EML6: variants seen among roughly 807,000 people sequenced by gnomAD.
EML6 encodes echinoderm microtubule-associated protein-like 6.
A neutral mutation model predicts 240.1 loss-of-function variants in EML6; 154 were observed. The observed-to-expected ratio is 0.64, with a 90% CI of 0.56 to 0.73. The LOEUF (loss-of-function observed/expected upper bound fraction) is 0.73, where lower values mean the gene tolerates loss of function less well. Ranked by LOEUF, EML6 falls within the 30% of genes least tolerant of loss-of-function variation. EML6 has a pLI of 0.00. For synonymous variants in EML6, 1,148 were observed against 899.0 expected, an observed-to-expected ratio of 1.28 and a Z score of -4.95; for missense variants, 2,964 against 2,474.6, an observed-to-expected ratio of 1.20 and a Z score of -4.20.
chr2:54,851,260 A>G (rs557402838), intron 10 of EML6, among the ~76,000 whole-genome samples: 2 of 152,244 alleles, frequency 1.3e-5, no homozygotes, highest in South Asian at 4.1e-4. Context: ...GATACAAAAA[A>G]AAATCAGCCA....
At chr2:54,816,609 C>T (rs949624308) in intron 3 of EML6, among the ~76,000 whole-genome samples, 178 bp from the exon 4 acceptor site, 1 of 152,172 alleles carries the variant, frequency 6.6e-6, no homozygotes, top group African/African-American at 2.4e-5. Context: ...TCAGCATATA[C>T]TAATGGAAGT....
In EML6 at chr2:54,892,454, G is replaced by T; in HGVS notation, c.2540G>T (p.Gly847Val). Residue 847 changes from glycine to valine, a missense_variant and splice_region_variant, in exon 19 of 42, where the codon GGT becomes GTT. Physicochemically the swap from Gly to Val is moderately radical, Grantham distance 109. Coordinates refer to ENST00000356458, the MANE Select transcript of EML6 (RefSeq NM_001039753.4). The part of the protein sequence containing the change: ...IKHIKFWQQA[G>V]GGFTSKRGTF... ...AATAACTGTTCTTGGTCCACTCTAG[G>T]TGGGGGCTTCACTTCTAAAAGAGGA... The T allele has an allele frequency of 6.5e-7, 1 of 1,550,094 alleles. No homozygotes were observed. The highest frequency in any genetic ancestry group is 8.7e-7 in the Non-Finnish European group (1 of 1,145,616).
At chr2:54,758,966 A>G (rs1264577405) in intron 2 of EML6, among the ~76,000 whole-genome samples, 1 of 151,760 alleles carries the variant, frequency 6.6e-6, no homozygotes, top group Admixed American at 6.6e-5. Flanking sequence ...TGTTTTCATC[A>G]CTTCCACATA....
intron 2 of EML6, among the ~76,000 whole-genome samples, chr2:54,760,448 G>T (rs368807435): frequency 6.6e-6 from 1 of 152,032 alleles, no homozygotes; most frequent in South Asian, 2.1e-4. Context: ...CAGTGTTTCA[G>T]TGAATCCTTG....
chr2:54,797,625 TAAA>T (rs34160986), intron 2 of EML6, among the ~76,000 whole-genome samples: 7,290 of 148,846 alleles, frequency 0.049, 565 homozygotes, highest in African/African-American at 0.16. Flanking sequence ...TTCTTTATTG[TAAA>T]AAAAAAAAAA....
intron 17 of EML6, chr2:54,882,814 C>A (rs1372301887): frequency 1.6e-5 from 2 of 122,302 alleles, no homozygotes; most frequent in African/African-American, 6.0e-5. Flanking sequence ...GCCGAGATCA[C>A]GGCACTGCAC....
intron 28 of EML6, among the ~76,000 whole-genome samples, chr2:54,940,739 A>T (rs1240556800): frequency 6.6e-6 from 1 of 152,164 alleles, no homozygotes; most frequent in East Asian, 1.9e-4. Context: ...AAATGATGTG[A>T]CTGATGTAGA....
intron 9 of EML6, 105 bp downstream of exon 9, chr2:54,847,728 C>T: frequency 7.9e-7 from 1 of 1,262,672 alleles, no homozygotes. Context: ...ATCCATTTAG[C>T]CATTCAAATA....
Position 54,967,100 on chromosome 2 carries a change from C to A in EML6, c.5594C>A (p.Thr1865Lys), listed in dbSNP as rs752509567. ...VIEKITWASW[T>K]SVLGDEVIGI... ...GAGAAGATCACCTGGGCCTCCTGGA[C>A]AAGGTGACTGACTGGAAGAAAAAAC... Residue 1865 changes from threonine (T) to lysine (K), a missense_variant, in exon 39 of 42, where the codon ACA becomes AAA. Coordinates refer to ENST00000356458, the MANE Select transcript of EML6 (RefSeq NM_001039753.4). The A allele has an allele frequency of 3.2e-6, 5 of 1,549,186 alleles. No individual in the cohort carries two copies. In the South Asian group the frequency reaches 6.0e-5, roughly 18 times the overall value.
intron 21 of EML6, among the ~76,000 whole-genome samples, chr2:54,899,128 GC>G (rs1242757782): frequency 6.6e-6 from 1 of 152,172 alleles, no homozygotes; most frequent in East Asian, 1.9e-4. Flanking sequence ...TCTGCCGAAT[GC>G]TACACATTCA....
chr2:54,912,250 C>T (rs2104294060), intron 25 of EML6, among the ~76,000 whole-genome samples: 1 of 152,216 alleles, frequency 6.6e-6, no homozygotes, highest in Middle Eastern at 3.4e-3. Flanking sequence ...GATCTCACTC[C>T]CCTCCCCAAT....
intron 34 of EML6, among the ~76,000 whole-genome samples, chr2:54,959,635 G>A (rs1450234362): frequency 3.3e-5 from 5 of 152,116 alleles, no homozygotes; most frequent in East Asian, 1.9e-4. Context: ...GGTGGTGGGC[G>A]CCTGTAATAC....
At chr2:54,791,718 C>CA (rs199851810) in intron 2 of EML6, among the ~76,000 whole-genome samples, 1,841 of 150,900 alleles carry the variant, frequency 0.012, 20 homozygotes, top group African/African-American at 0.027. Context: ...TGAAGATTGA[C>CA]AAAAAAAAAT....
At chr2:54,825,727 T>C (rs993677374) in intron 5 of EML6, among the ~76,000 whole-genome samples, 1 of 152,170 alleles carries the variant, frequency 6.6e-6, no homozygotes. Context: ...CTTAACCCCC[T>C]GCCACGCACA....
chr2:54,819,647 G>T (rs141455524), intron 4 of EML6, among the ~76,000 whole-genome samples: 56 of 152,002 alleles, frequency 3.7e-4, no homozygotes, highest in African/African-American at 1.3e-3. Context: ...GTGGTGGCAC[G>T]CGCCTGTAGT....
At chr2:54,905,591 G>A (rs1357295595) in intron 24 of EML6, among the ~76,000 whole-genome samples, 3 of 152,088 alleles carry the variant, frequency 2.0e-5, no homozygotes, top group South Asian at 2.1e-4. Flanking sequence ...ACAGTTCAAG[G>A]ACGTTAAAAA....
intron 24 of EML6, among the ~76,000 whole-genome samples, chr2:54,907,945 TAAGATAGATAGATAGATAGA>T (rs1558674119): frequency 4.5e-5 from 1 of 22,078 alleles, no homozygotes; most frequent in Non-Finnish European, 1.0e-4. Flanking sequence ...GATAGATAGA[TAAGATAGATAGATAGATAGA>T]TAGATAGATA....
chr2:54,804,486 T>C (rs1313142999), intron 2 of EML6, among the ~76,000 whole-genome samples: 1 of 152,250 alleles, frequency 6.6e-6, no homozygotes, highest in Non-Finnish European at 1.5e-5. Context: ...TCAAATTCTT[T>C]TATCAGTAGC....
intron 28 of EML6, among the ~76,000 whole-genome samples, chr2:54,946,631 A>T (rs944088562): frequency 6.6e-6 from 1 of 152,170 alleles, no homozygotes; most frequent in Non-Finnish European, 1.5e-5. Context: ...TAATACTTGT[A>T]TTGTGTTTTA....
Sources: gnomAD v4.1 joint callset for allele counts (sites outside exome capture counted in the v4.1 genomes callset) on GRCh38, gnomAD v4.1.1 for gene constraint, MANE v1.5 for transcripts, NCBI Gene and HGNC (gene_info 2026-07-23, HGNC 2026-07-21) for gene names.